The following GPR107 variants were observed in gnomAD, a reference collection of about 807,000 sequenced individuals.
The protein encoded by GPR107 is G protein-coupled receptor 107, also known as protein GPR107.
GPR107 carries 31 observed loss-of-function variants against 75.5 expected under a neutral mutation model. The ratio of observed to expected loss-of-function variants is 0.41; its 90% CI spans 0.31 to 0.55. The LOEUF is 0.55. Among genes scored for constraint, GPR107 ranks in the 20% least tolerant of loss-of-function variants. The pLI is 0.26. For missense variants in GPR107, 572 were observed against 665.7 expected (o/e 0.86, Z 1.55); for synonymous variants, 267 against 251.3 (o/e 1.06, Z -0.59).
At chr9:130,118,685 C>T (rs2132638432) in intron 14 of GPR107, among the ~76,000 whole-genome samples, 1 of 151,952 alleles carries the variant, frequency 6.6e-6, no homozygotes, top group Non-Finnish European at 1.5e-5. Flanking sequence ...CTCTCCCCTG[C>T]AGAGGTTTCA....
At chr9:130,080,640 C>T (rs550671677) in intron 5 of GPR107, among the ~76,000 whole-genome samples, 10 of 151,700 alleles carry the variant, frequency 6.6e-5, no homozygotes, top group South Asian at 2.1e-4. Flanking sequence ...TACAGGCGCC[C>T]GCCACCATGC....
At chr9:130,078,068 G>A (rs2132564699) in intron 4 of GPR107, among the ~76,000 whole-genome samples, 1 of 152,018 alleles carries the variant, frequency 6.6e-6, no homozygotes, top group Non-Finnish European at 1.5e-5. Flanking sequence ...GGGAGGCTGA[G>A]ACAGGAGAAT....
At chr9:130,122,039 C>G (rs4837469) in intron 14 of GPR107, among the ~76,000 whole-genome samples, 47,948 of 151,842 alleles carry the variant, frequency 0.32, 7,765 homozygotes, top group Non-Finnish European at 0.38. Flanking sequence ...TACAGGCATC[C>G]GCCACCATGC....
intron 9 of GPR107, among the ~76,000 whole-genome samples, chr9:130,097,155 C>CTTTTTTTTTTT (rs71387312): frequency 3.8e-5 from 5 of 130,166 alleles, no homozygotes; most frequent in East Asian, 2.3e-4. Flanking sequence ...TCTTTTTTTT[C>CTTTTTTTTTTT]TTTTTTTTTT....
rs536967504 is a variant in GPR107 at position 130,092,385 on chromosome 9, A to G, written c.863+4A>G. 1.8e-4 allele frequency: 293 copies of G among 1,610,482 alleles called. 7 individuals are homozygous for G. In the South Asian group the frequency reaches 3.0e-3, roughly 16 times the overall value. ...TTCATATCCTTCGAAAACGACGGTA[A>G]ACTATTTCTCCCTTCAACTTAAGAG... is the stretch of plus-strand genomic sequence containing the variant. On this transcript the variant is annotated splice_donor_region_variant and intron_variant, in intron 9 of 17. Coordinates refer to ENST00000347136, the MANE Select transcript of GPR107 (RefSeq NM_020960.5).
At chr9:130,125,184 C>T (rs559090980) in intron 15 of GPR107, among the ~76,000 whole-genome samples, 7 of 141,192 alleles carry the variant, frequency 5.0e-5, no homozygotes, top group African/African-American at 7.7e-5. Context: ...CTGCAATCTC[C>T]ACTTCCCGGG....
At chr9:130,123,277 T>A (rs1831594960) in intron 14 of GPR107, among the ~76,000 whole-genome samples, 1 of 152,080 alleles carries the variant, frequency 6.6e-6, no homozygotes. Context: ...TGATCTCGGC[T>A]CACTGCAACT....
chr9:130,133,264 T>A (rs1831873343), intron 17 of GPR107: 1 of 152,252 alleles, frequency 6.6e-6, no homozygotes, highest in Non-Finnish European at 1.5e-5. Context: ...GAGTATTTTC[T>A]TAGAGAAAGA....
intron 12 of GPR107, among the ~76,000 whole-genome samples, chr9:130,102,082 A>G (rs891339219): frequency 5.3e-5 from 8 of 152,162 alleles, no homozygotes; most frequent in African/African-American, 1.9e-4. Flanking sequence ...TGTGTTTCCA[A>G]GGAGAGAATA....
chr9:130,072,510 C>T (rs759876835), intron 1 of GPR107, among the ~76,000 whole-genome samples: 7 of 151,882 alleles, frequency 4.6e-5, no homozygotes, highest in East Asian at 1.9e-4. Context: ...TGAGCCACCG[C>T]GCCCGGCCTT....
chr9:130,128,578 A>G, intron 16 of GPR107, 62 bp from the exon 17 acceptor site: 1 of 1,430,586 alleles, frequency 7.0e-7, no homozygotes, highest in East Asian at 2.3e-5. Context: ...GTTGAATTCC[A>G]CTGCTTTCTG....
intron 14 of GPR107, among the ~76,000 whole-genome samples, chr9:130,115,622 T>C (rs956964426): frequency 6.6e-6 from 1 of 151,830 alleles, no homozygotes; most frequent in Non-Finnish European, 1.5e-5. Context: ...AAAAATTAGC[T>C]GGCGTGGTGG....
chr9:130,104,194 T>C (rs1404534366), intron 12 of GPR107, among the ~76,000 whole-genome samples: 5 of 152,200 alleles, frequency 3.3e-5, no homozygotes, highest in African/African-American at 9.7e-5. Flanking sequence ...TACTTCCATC[T>C]TACTGTATTA....
chr9:130,064,885 G>T (rs1047340016), intron 1 of GPR107, among the ~76,000 whole-genome samples: 1 of 152,058 alleles, frequency 6.6e-6, no homozygotes, highest in East Asian at 1.9e-4. Flanking sequence ...ATCACCAGGA[G>T]CTTGAAAGAG....
chr9:130,092,142 T>C, intron 8 of GPR107, 106 bp from the exon 9 acceptor site: 1 of 929,706 alleles, frequency 1.1e-6, no homozygotes, highest in Non-Finnish European at 1.7e-6. Context: ...GCCCAGCCAC[T>C]GGTACTTACT....
chr9:130,097,161 T>C lies in GPR107; in HGVS notation c.864-2296T>C, dbSNP rs188932715. Reference sequence around the variant, plus strand: ...CTTTACTTTTCTTTTTTTTCTTTTTTTTTTTTTTTTTGAGACAGAGTCTCA... The same window carrying C: ...CTTTACTTTTCTTTTTTTTCTTTTTCTTTTTTTTTTTGAGACAGAGTCTCA... On this transcript the variant is annotated intron_variant, in intron 9 of 17. Coordinates refer to ENST00000347136, the MANE Select transcript of GPR107 (RefSeq NM_020960.5). 6.7e-3 allele frequency among the ~76,000 whole-genome samples: 976 copies of C among 146,572 alleles called. 15 individuals carry two copies. The highest frequency in any genetic ancestry group is 0.017 in the Middle Eastern group (5 of 288).
rs782220478 is a variant in GPR107, at chr9:130,135,073, G to A, written c.1611G>A (p.Val537=). The change falls in exon 18 of 18, where the codon GTG becomes GTA. Residue 537 remains valine, a synonymous_variant. Transcript: ENST00000347136. ...AAAGTATGAAGAAAGTCAAGAAGGT[G>A]ACCAACGGCTCCGTGGAGCCCCAGG... ...VMESMKKVKK[V]TNGSVEPQGE... 2.5e-6 allele frequency: 4 copies of A among 1,612,012 alleles called. No individual in the cohort carries two copies. The highest frequency in any genetic ancestry group is 1.1e-5 in the South Asian group (1 of 90,966).
intron 9 of GPR107, among the ~76,000 whole-genome samples, chr9:130,094,656 ATTTTG>A (rs567703608): frequency 1.3e-5 from 2 of 151,264 alleles, no homozygotes; most frequent in Non-Finnish European, 2.9e-5. Context: ...GGGTTTTTTT[ATTTTG>A]TTTTGTTTTG....
At chr9:130,114,029 C>CTTTTTTTTTTTTTTTTTTTTTTTTTTTT (rs60616601) in intron 14 of GPR107, among the ~76,000 whole-genome samples, 1 of 90,662 alleles carries the variant, frequency 1.1e-5, no homozygotes, top group African/African-American at 4.4e-5. Flanking sequence ...TCTTCTCATT[C>CTTTTTTTTTTTTTTTTTTTTTTTTTTTT]TTTTTTTTTT....
Sources: allele counts gnomAD v4.1 joint callset (sites outside exome capture counted in the v4.1 genomes callset), GRCh38; gene constraint gnomAD v4.1.1; transcripts MANE v1.5; gene names NCBI Gene and HGNC (gene_info 2026-07-23, HGNC 2026-07-21).